Variants in ABHD18 observed in about 807,000 individuals in gnomAD.
ABHD18 encodes cardiolipin-specific deacylase, mitochondrial.
In ABHD18, 55 loss-of-function variants were observed where a neutral mutation model predicts 65.9. The ratio of observed to expected loss-of-function variants is 0.84; its 90% CI spans 0.67 to 1.05. The LOEUF (loss-of-function observed/expected upper bound fraction) is 1.05. ABHD18 is among the 50% of genes least tolerant of loss of function. ABHD18 has a pLI of 0.00. For missense variants in ABHD18, 533 were observed against 558.5 expected (o/e 0.95, Z 0.46); for synonymous variants, 181 against 180.2 (o/e 1.00, Z -0.04).
At chr4:127,978,472 T>G (rs758820744) in intron 1 of ABHD18, among the ~76,000 whole-genome samples, 3 of 152,122 alleles carry the variant, frequency 2.0e-5, no homozygotes, top group Non-Finnish European at 4.4e-5. Context: ...ATATAAACAT[T>G]TAAGCGTACA....
At position 128,039,543 on chromosome 4, in the gene ABHD18, C is replaced by G. The variant is rs889234176; in HGVS notation, c.*3730C>G. 5 of 152,074 alleles carry G rather than the reference C, an allele frequency of 3.3e-5. No individual in the cohort carries two copies. Among genetic ancestry groups the G allele is most frequent in the Non-Finnish European group, 5.9e-5 (4 of 68,020 alleles). 9.4% of individuals were successfully genotyped at this position (152,074 alleles called of 1,614,324 possible). On this transcript the variant is annotated 3_prime_UTR_variant, in exon 13 of 13. Transcript: ENST00000645843. ...ATTTCATGATTTGCTAATGTAATTA[C>G]TATTAAGTCATTTTAGCATGTGCAT...
chr4:128,034,398 G>GA (rs375076482), intron 12 of ABHD18, among the ~76,000 whole-genome samples: 2 of 151,900 alleles, frequency 1.3e-5, no homozygotes, highest in East Asian at 1.9e-4. Flanking sequence ...TATACAATAG[G>GA]AAAAAAACAG....
At chr4:128,012,616 G>T (rs1450188171) in intron 7 of ABHD18, among the ~76,000 whole-genome samples, 5 of 152,164 alleles carry the variant, frequency 3.3e-5, no homozygotes, top group Admixed American at 6.6e-5. Context: ...AATATGGGAT[G>T]CAGTGTAGTA....
intron 1 of ABHD18, among the ~76,000 whole-genome samples, chr4:127,968,994 AGAAGATT>A (rs894779686): frequency 1.3e-5 from 2 of 151,236 alleles, no homozygotes; most frequent in African/African-American, 4.9e-5. Flanking sequence ...ATGGGATTTA[AGAAGATT>A]TGTATGACCC....
intron 4 of ABHD18, among the ~76,000 whole-genome samples, chr4:127,998,311 CT>C (rs1478887414): frequency 8.5e-6 from 1 of 117,308 alleles, no homozygotes; most frequent in Non-Finnish European, 1.7e-5. Flanking sequence ...GAGATGGAGT[CT>C]TGCTCTGTCG....
chr4:128,005,979 TCTAA>T (rs1753535064), intron 4 of ABHD18, among the ~76,000 whole-genome samples: 1 of 152,124 alleles, frequency 6.6e-6, no homozygotes, highest in African/African-American at 2.4e-5. Flanking sequence ...CTCAACAGAA[TCTAA>T]CTATAGTCTG....
chr4:128,021,311 A>G, intron 10 of ABHD18, 73 bp downstream of exon 10: 1 of 913,556 alleles, frequency 1.1e-6, no homozygotes, highest in Non-Finnish European at 1.7e-6. Context: ...TCAGGTTTTT[A>G]AAGAGAATAG....
At position 128,030,609 on chromosome 4, in the gene ABHD18, G is replaced by A; in HGVS notation, c.1280G>A (p.Cys427Tyr). ...AGTTTACAAGAAATTTGGCCTGGTT[G>A]TGAAATCCGATACTTAGAAGGGGGT... ...VRSLQEIWPG[C>Y]EIRYLEGGHI... The change falls in exon 12 of 13, where the codon TGT becomes TAT. Residue 427 changes from cysteine (C) to tyrosine (Y), a missense_variant. Cys to Tyr is a radical substitution (Grantham distance 194, BLOSUM62 -2). Transcript: ENST00000645843. The A allele has an allele frequency of 6.2e-7, 1 of 1,607,724 alleles. No individual in the cohort carries two copies. Among genetic ancestry groups the A allele is most frequent in the South Asian group, 1.1e-5 (1 of 89,440 alleles).
chr4:128,002,861 C>G (rs1752913957), intron 4 of ABHD18, among the ~76,000 whole-genome samples: 1 of 151,476 alleles, frequency 6.6e-6, no homozygotes, highest in Non-Finnish European at 1.5e-5. Flanking sequence ...CCAGGCTGGT[C>G]TCAAATTCCT....
intron 1 of ABHD18, among the ~76,000 whole-genome samples, chr4:127,981,438 C>T (rs1749035650): frequency 6.6e-6 from 1 of 151,972 alleles, no homozygotes; most frequent in African/African-American, 2.4e-5. Flanking sequence ...TAATTATTTT[C>T]CCTCCACTAA....
intron 10 of ABHD18, among the ~76,000 whole-genome samples, chr4:128,024,918 C>G (rs1232464969): frequency 6.6e-6 from 1 of 152,120 alleles, no homozygotes. Context: ...TCTCGAACTC[C>G]TGGCCTGAGG....
At chr4:127,982,500 ACT>A (rs2149069986) in intron 1 of ABHD18, among the ~76,000 whole-genome samples, 1 of 152,110 alleles carries the variant, frequency 6.6e-6, no homozygotes, top group Non-Finnish European at 1.5e-5. Context: ...GGTAAATTAT[ACT>A]CTCTATGCCT....
intron 10 of ABHD18, among the ~76,000 whole-genome samples, chr4:128,024,632 A>G (rs1474695226): frequency 6.6e-6 from 1 of 151,816 alleles, no homozygotes; most frequent in Admixed American, 6.6e-5. Flanking sequence ...TTCCTCTTAT[A>G]GTGATTTGTT....
At chr4:128,011,364 G>A (rs947885676) in intron 6 of ABHD18, among the ~76,000 whole-genome samples, 1 of 151,776 alleles carries the variant, frequency 6.6e-6, no homozygotes, top group South Asian at 2.1e-4. Flanking sequence ...TAGCCAGGAT[G>A]GTCTCGATCT....
intron 3 of ABHD18, among the ~76,000 whole-genome samples, chr4:127,986,097 C>G (rs1023178241): frequency 6.6e-6 from 1 of 152,132 alleles, no homozygotes; most frequent in Admixed American, 6.6e-5. Flanking sequence ...AGATGTGCAG[C>G]CATCAACATT....
intron 12 of ABHD18, among the ~76,000 whole-genome samples, chr4:128,031,872 T>C (rs1460399652): frequency 6.6e-6 from 1 of 152,240 alleles, no homozygotes; most frequent in Non-Finnish European, 1.5e-5. Flanking sequence ...GTGAGCAGAC[T>C]ATCCAATACT....
In ABHD18 at chr4:128,028,754, C is replaced by T. The variant is rs942766364; in HGVS notation, c.1081C>T (p.Leu361=). ...AAGTCGCAACCCTCAGTCATACCAC[C>T]TACTTAGTAAAGAACAAAGCAGAAA... ...YTSRNPQSYH[L]LSKEQSRNSL... The change falls in exon 11 of 13, where the codon CTA becomes TTA. Residue 361 remains leucine, a synonymous_variant. Transcript: ENST00000645843. 1.2e-5 allele frequency: 19 copies of T among 1,613,696 alleles called. No homozygotes were observed. The highest frequency in any genetic ancestry group is 1.6e-5 in the Non-Finnish European group (19 of 1,179,822).
chr4:128,036,793 A>G lies in ABHD18; in HGVS notation c.*980A>G, dbSNP rs1464240750. 2.0e-5 allele frequency: 3 copies of G among 151,772 alleles called. No individual in the cohort carries two copies. Among genetic ancestry groups the G allele is most frequent in the Admixed American group, 2.0e-4 (3 of 15,214 alleles). The allele number at this position is 151,772 out of a possible 1,614,324, so 9.4% of individuals were successfully genotyped here. ...GATAAAATGCATTAGACTTTGCTAG[A>G]CTAAAACTTTACTAAAGATTAGGGT... On this transcript the variant is annotated 3_prime_UTR_variant, in exon 13 of 13. Coordinates refer to ENST00000645843, the MANE Select transcript of ABHD18 (RefSeq NM_001358451.3).
intron 4 of ABHD18, 67 bp from the exon 5 acceptor site, chr4:128,008,853 A>C: frequency 9.1e-7 from 1 of 1,097,460 alleles, no homozygotes; most frequent in East Asian, 2.6e-5. Context: ...AGTTTTAAGA[A>C]CTGAAAGTTT....
Sources: gnomAD v4.1 joint callset for allele counts (sites outside exome capture counted in the v4.1 genomes callset) on GRCh38, gnomAD v4.1.1 for gene constraint, MANE v1.5 for transcripts, NCBI Gene and HGNC (gene_info 2026-07-23, HGNC 2026-07-21) for gene names.